The following WDPCP variants were observed in gnomAD, a reference collection of about 807,000 sequenced individuals.
The protein encoded by WDPCP is WD repeat-containing and planar cell polarity effector protein fritz homolog.
In WDPCP, 71 loss-of-function variants were observed where a neutral mutation model predicts 93.1. The ratio of observed to expected loss-of-function variants is 0.76; its 90% CI spans 0.63 to 0.93. WDPCP has a LOEUF of 0.93. Among genes scored for constraint, WDPCP ranks in the 40% least tolerant of loss-of-function variants. The probability of loss-of-function intolerance (pLI) is 0.00; values close to 1 mark genes in which losing one functional copy is unlikely to be tolerated. For synonymous variants in WDPCP, 315 were observed against 315.0 expected (o/e 1.00, Z 0.00); for missense variants, 844 against 887.4 (o/e 0.95, Z 0.62).
chr2:63,464,291 C>T (rs1699204773), intron 6 of WDPCP, among the ~76,000 whole-genome samples: 2 of 152,172 alleles, frequency 1.3e-5, no homozygotes, highest in Non-Finnish European at 2.9e-5. Context: ...CATTAGATAA[C>T]TGCAAATCAA....
chr2:63,628,738 C>G (rs1709835387), intron 3 of WDPCP, among the ~76,000 whole-genome samples: 1 of 152,150 alleles, frequency 6.6e-6, no homozygotes, highest in Non-Finnish European at 1.5e-5. Context: ...AGCAGCTGCT[C>G]AACTTTTTAA....
chr2:63,586,997 G>A (rs1346841917), intron 1 of WDPCP, among the ~76,000 whole-genome samples: 1 of 152,136 alleles, frequency 6.6e-6, no homozygotes. Flanking sequence ...ATTTACATTA[G>A]GTAAAATCAT....
Position 63,554,084 on chromosome 2 carries a change from A to C in WDPCP, c.75+34113T>G, listed in dbSNP as rs564462126. On this transcript the variant is annotated intron_variant, in intron 1 of 17. Coordinates refer to ENST00000272321, the MANE Select transcript of WDPCP (RefSeq NM_015910.7). ...CACCCATTGTTCCAATAATGTTTAG[A>C]TCCAATTCAGGATCATGCTTTGCAT... Among the ~76,000 whole-genome samples, 6 of 152,340 alleles carry C rather than the reference A, an allele frequency of 3.9e-5. No homozygotes were observed. The South Asian group carries it at 1.2e-3, about 32-fold the overall frequency.
rs35714297 is a variant in WDPCP at position 63,793,870 on chromosome 2, TTGTGTGTGTGTGTG to T, written n.308+19738_308+19751del. ...TTTTGTAAAATACTTAGTACTTACA[TTGTGTGTGTGTGTG>T]TGTGTGTGTGTGTGTGTGTGTGTGT... On this transcript the variant is annotated intron_variant and non_coding_transcript_variant, in intron 2 of 4. Transcript: ENST00000467687. Among the ~76,000 whole-genome samples, 161 of 145,366 alleles carry T rather than the reference TTGTGTGTGTGTGTG, an allele frequency of 1.1e-3. 2 individuals carry two copies. In the South Asian group the frequency reaches 0.018, roughly 16 times the overall value.
chr2:63,757,580 CAGAAAT>C (rs1215327781), intron 2 of WDPCP, among the ~76,000 whole-genome samples: 1 of 152,138 alleles, frequency 6.6e-6, no homozygotes, highest in Non-Finnish European at 1.5e-5. Flanking sequence ...TTTTGCATCT[CAGAAAT>C]AGAGCAAATC....
At chr2:63,310,518 GA>G (rs907720368) in intron 13 of WDPCP, among the ~76,000 whole-genome samples, 25 of 145,136 alleles carry the variant, frequency 1.7e-4, no homozygotes, top group East Asian at 4.0e-4. Context: ...ATGGTTTTTG[GA>G]AAAAAAAAAA....
At chr2:63,221,028 T>C (rs1303606402) in intron 14 of WDPCP, among the ~76,000 whole-genome samples, 1 of 152,222 alleles carries the variant, frequency 6.6e-6, no homozygotes, top group Non-Finnish European at 1.5e-5. Flanking sequence ...TCAAAGGACA[T>C]GATCCTATTC....
chr2:63,523,807 A>T (rs1002841878), intron 1 of WDPCP, among the ~76,000 whole-genome samples: 1 of 152,218 alleles, frequency 6.6e-6, no homozygotes, highest in Non-Finnish European at 1.5e-5. Flanking sequence ...GCTACTCGGG[A>T]GGCTGAGGCA....
At chr2:63,314,302 G>C (rs1686465990) in intron 12 of WDPCP, among the ~76,000 whole-genome samples, 1 of 151,698 alleles carries the variant, frequency 6.6e-6, no homozygotes, top group Admixed American at 6.6e-5. Flanking sequence ...CAAGTAGCTG[G>C]GACTACAGGT....
At chr2:63,251,645 T>C (rs2104718978) in intron 14 of WDPCP, among the ~76,000 whole-genome samples, 1 of 151,830 alleles carries the variant, frequency 6.6e-6, no homozygotes, top group East Asian at 1.9e-4. Flanking sequence ...TCACTCACCA[T>C]CATGCCTGGC....
intron 1 of WDPCP, among the ~76,000 whole-genome samples, chr2:63,818,848 G>A (rs72808217): frequency 0.038 from 5,837 of 152,236 alleles, 170 homozygotes; most frequent in Non-Finnish European, 0.057. Flanking sequence ...CTTCCAGGAG[G>A]AAGAGAAAGG....
intron 3 of WDPCP, among the ~76,000 whole-genome samples, chr2:63,629,017 C>T (rs1180866795): frequency 6.6e-6 from 1 of 152,170 alleles, no homozygotes; most frequent in East Asian, 1.9e-4. Flanking sequence ...GTAGAGTAGA[C>T]ATTCTTTCAT....
intron 2 of WDPCP, among the ~76,000 whole-genome samples, chr2:63,740,768 G>A (rs1669701363): frequency 6.6e-6 from 1 of 152,110 alleles, no homozygotes; most frequent in South Asian, 2.1e-4. Context: ...AGAAGTTTAA[G>A]ACCTCACTCT....
At chr2:63,518,412 G>A (rs1702697862) in intron 1 of WDPCP, 1 of 152,214 alleles carries the variant, frequency 6.6e-6, no homozygotes, top group Non-Finnish European at 1.5e-5. Flanking sequence ...AGTTGAGCAG[G>A]TAAATGGTCA....
intron 14 of WDPCP, among the ~76,000 whole-genome samples, chr2:63,257,285 C>A (rs1338158221): frequency 6.6e-6 from 1 of 152,074 alleles, no homozygotes; most frequent in Non-Finnish European, 1.5e-5. Flanking sequence ...AATTTAATAA[C>A]TTTCAGCTTT....
At chr2:63,438,703 C>T (rs964486624) in intron 7 of WDPCP, among the ~76,000 whole-genome samples, 1 of 152,018 alleles carries the variant, frequency 6.6e-6, no homozygotes, top group African/African-American at 2.4e-5. Context: ...TTATGGCCAT[C>T]CTGCAGAGTT....
chr2:63,425,043 AAC>A (rs910320129), intron 9 of WDPCP, among the ~76,000 whole-genome samples: 1 of 152,156 alleles, frequency 6.6e-6, no homozygotes, highest in African/African-American at 2.4e-5. Context: ...CCTAAATTAC[AAC>A]ACAAAAAATA....
intron 2 of WDPCP, chr2:63,752,026 C>T (rs1017426263): frequency 9.6e-6 from 6 of 625,710 alleles, no homozygotes; most frequent in Admixed American, 1.9e-5. Flanking sequence ...ACAACCAACA[C>T]CAAAGTTTCC....
At chr2:63,456,221 A>G (rs1698610082) in intron 6 of WDPCP, among the ~76,000 whole-genome samples, 1 of 152,146 alleles carries the variant, frequency 6.6e-6, no homozygotes, top group Admixed American at 6.5e-5. Context: ...ATTCAAGACC[A>G]GCCTGACCAA....
Sources: gnomAD v4.1 joint callset for allele counts (sites outside exome capture counted in the v4.1 genomes callset) on GRCh38, gnomAD v4.1.1 for gene constraint, MANE v1.5 for transcripts, NCBI Gene and HGNC (gene_info 2026-07-23, HGNC 2026-07-21) for gene names.